The following ASTN2 variants were observed in gnomAD, a reference collection of about 807,000 sequenced individuals.
ASTN2 encodes astrotactin-2.
A neutral mutation model predicts 139.8 loss-of-function variants in ASTN2; 54 were observed. That is an observed-to-expected ratio of 0.39 (90% CI 0.31 to 0.48). The LOEUF is 0.48. Among genes scored for constraint, ASTN2 ranks in the 20% least tolerant of loss-of-function variants. ASTN2 has a pLI of 0.95. For synonymous variants in ASTN2, 756 were observed against 719.5 expected, an observed-to-expected ratio of 1.05 and a Z score of -0.81; for missense variants, 1,565 against 1,725.1, an observed-to-expected ratio of 0.91 and a Z score of 1.64.
At chr9:117,314,003 A>T (rs778081263) in intron 1 of ASTN2, among the ~76,000 whole-genome samples, 11 of 152,176 alleles carry the variant, frequency 7.2e-5, no homozygotes, top group East Asian at 1.9e-4. Context: ...TGTGCAAAAC[A>T]AAAGCATTAT....
In ASTN2 at chr9:117,319,593, A is replaced by AT. The variant is rs3041177; in HGVS notation, c.443-28081dup. On this transcript the variant is annotated intron_variant, in intron 1 of 22. Coordinates refer to ENST00000313400, the MANE Select transcript of ASTN2 (RefSeq NM_001365068.1). ...CAGTCACATGCCATCATGCCCAGCA[A>AT]TTTTTTTTTTTTTTTTTAATGTAGA... 8.8e-3 allele frequency among the ~76,000 whole-genome samples: 1,263 copies of AT among 143,394 alleles called. 15 individuals carry two copies. The highest frequency in any genetic ancestry group is 0.026 in the African/African-American group (1,016 of 38,694). The allele number at this position is 143,394 out of a possible 152,430, so 94.1% of individuals were successfully genotyped here. A position where few individuals can be genotyped will look rare whatever the true frequency, so the allele number is the denominator to read the frequency against.
At chr9:117,107,973 C>T (rs1039749867) in intron 4 of ASTN2, among the ~76,000 whole-genome samples, 1 of 152,078 alleles carries the variant, frequency 6.6e-6, no homozygotes, top group Non-Finnish European at 1.5e-5. Flanking sequence ...TTGAATAAAC[C>T]TGAAAAGGAG....
intron 4 of ASTN2, among the ~76,000 whole-genome samples, chr9:117,123,848 C>T (rs1344321797): frequency 2.0e-5 from 3 of 152,150 alleles, no homozygotes; most frequent in Admixed American, 6.6e-5. Context: ...ATTGGTTTCA[C>T]ATTCTTCTTA....
At chr9:116,734,589 G>C (rs1294111258) in intron 13 of ASTN2, among the ~76,000 whole-genome samples, 1 of 151,170 alleles carries the variant, frequency 6.6e-6, no homozygotes, top group Non-Finnish European at 1.5e-5. Flanking sequence ...AGAAGAGAAG[G>C]GGGAGGAGAA....
intron 5 of ASTN2, among the ~76,000 whole-genome samples, chr9:117,083,991 C>T (rs1250202877): frequency 2.0e-5 from 3 of 147,548 alleles, no homozygotes; most frequent in African/African-American, 7.5e-5. Flanking sequence ...GACTGCTTGA[C>T]GTTTCTGTGG....
intron 13 of ASTN2, among the ~76,000 whole-genome samples, chr9:116,734,947 A>G (rs1210888405): frequency 6.6e-6 from 1 of 152,210 alleles, no homozygotes; most frequent in African/African-American, 2.4e-5. Flanking sequence ...TGTCATCTAT[A>G]TTATTCATTG....
At chr9:117,255,175 C>A (rs1030829836) in intron 2 of ASTN2, among the ~76,000 whole-genome samples, 4 of 152,118 alleles carry the variant, frequency 2.6e-5, no homozygotes, top group African/African-American at 9.7e-5. Flanking sequence ...TATAAACAGC[C>A]CCCTCTGGAC....
intron 13 of ASTN2, among the ~76,000 whole-genome samples, chr9:116,796,988 TC>T (rs1830710570): frequency 7.1e-6 from 1 of 140,602 alleles, no homozygotes. Context: ...ACTTAATTTT[TC>T]TTTTTTTTTT....
At chr9:116,912,452 C>A (rs1564337583) in intron 10 of ASTN2, among the ~76,000 whole-genome samples, 1 of 152,206 alleles carries the variant, frequency 6.6e-6, no homozygotes, top group African/African-American at 2.4e-5. Context: ...GCTCACCCAG[C>A]CTCTCTCTTT....
chr9:116,867,713 C>A (rs1378007015), intron 10 of ASTN2, among the ~76,000 whole-genome samples: 1 of 152,046 alleles, frequency 6.6e-6, no homozygotes, highest in Admixed American at 6.6e-5. Context: ...CAAAAGCTGT[C>A]CACTTTTAAA....
intron 19 of ASTN2, among the ~76,000 whole-genome samples, chr9:116,504,015 C>T (rs917073198): frequency 2.0e-5 from 3 of 152,078 alleles, no homozygotes; most frequent in African/African-American, 7.2e-5. Context: ...CCTGCAAGGA[C>T]CCAAAACCAT....
intron 2 of ASTN2, among the ~76,000 whole-genome samples, chr9:117,276,695 G>A (rs997217603): frequency 2.0e-5 from 3 of 152,120 alleles, no homozygotes; most frequent in African/African-American, 7.2e-5. Flanking sequence ...AGGGCTGAGG[G>A]CACAGAGAGA....
chr9:117,268,212 C>T (rs1833980124), intron 2 of ASTN2, among the ~76,000 whole-genome samples: 1 of 152,174 alleles, frequency 6.6e-6, no homozygotes. Flanking sequence ...TGTATGTCCA[C>T]CTGCGTTCAT....
intron 17 of ASTN2, among the ~76,000 whole-genome samples, chr9:116,632,205 A>AGAGAG (rs1554723308): frequency 2.2e-5 from 1 of 45,300 alleles, no homozygotes; most frequent in Non-Finnish European, 3.8e-5. Context: ...AGAAAGAAAG[A>AGAGAG]AAAGAAAGAA....
At chr9:116,966,164 T>C (rs112433666) in intron 10 of ASTN2, among the ~76,000 whole-genome samples, 3,731 of 152,334 alleles carry the variant, frequency 0.024, 178 homozygotes, top group African/African-American at 0.086. Context: ...TAAAAGTGTT[T>C]AACTTCTAAT....
At chr9:116,670,491 C>T (rs899334983) in intron 16 of ASTN2, among the ~76,000 whole-genome samples, 3 of 152,124 alleles carry the variant, frequency 2.0e-5, no homozygotes, top group Non-Finnish European at 2.9e-5. Flanking sequence ...ATAACATTTT[C>T]CTATTCTTCA....
intron 19 of ASTN2, among the ~76,000 whole-genome samples, chr9:116,496,109 T>C (rs1321030765): frequency 6.6e-6 from 1 of 152,188 alleles, no homozygotes; most frequent in African/African-American, 2.4e-5. Context: ...TACAGGAGCA[T>C]CCACTATCAC....
chr9:116,854,588 A>G lies in ASTN2; in HGVS notation c.2040+8995T>C, dbSNP rs1018530981. On this transcript the variant is annotated intron_variant, in intron 11 of 22. Transcript: ENST00000313400. Reference sequence around the variant, plus strand: ...GTGATTTATGCAGGGCTTGCAGACAACAGTTGGGAAAACTAGGAGTGCAGC... The same window carrying G: ...GTGATTTATGCAGGGCTTGCAGACAGCAGTTGGGAAAACTAGGAGTGCAGC... Among the ~76,000 whole-genome samples, 9 of 151,678 alleles carry G rather than the reference A, an allele frequency of 5.9e-5. No individual in the cohort carries two copies. The East Asian group carries it at 1.7e-3, about 29-fold the overall frequency.
intron 20 of ASTN2, among the ~76,000 whole-genome samples, chr9:116,479,566 G>A (rs1472172138): frequency 6.6e-5 from 10 of 152,160 alleles, no homozygotes; most frequent in Non-Finnish European, 1.3e-4. Context: ...GAAACAGCTC[G>A]GCAGATGAGA....
Sources: allele counts gnomAD v4.1 joint callset (sites outside exome capture counted in the v4.1 genomes callset), GRCh38; gene constraint gnomAD v4.1.1; transcripts MANE v1.5; gene names NCBI Gene and HGNC (gene_info 2026-07-23, HGNC 2026-07-21).